WWOX: variants seen among roughly 807,000 people sequenced by gnomAD.
WWOX encodes WW domain-containing oxidoreductase.
A neutral mutation model predicts 46.2 loss-of-function variants in WWOX; 69 were observed. That is an observed-to-expected ratio of 1.49 (90% CI 1.23 to 1.82). The LOEUF is 1.82. Ranked by LOEUF, WWOX falls within the 40% of genes most tolerant of loss-of-function variation. The pLI is 0.00. For missense variants in WWOX, 919 were observed against 542.6 expected, an observed-to-expected ratio of 1.69 and a Z score of -6.89; for synonymous variants, 359 against 202.6, an observed-to-expected ratio of 1.77 and a Z score of -6.56.
intron 8 of WWOX, among the ~76,000 whole-genome samples, chr16:79,140,243 C>T (rs558466934): frequency 5.1e-4 from 77 of 152,304 alleles, no homozygotes; most frequent in African/African-American, 1.8e-3. Context: ...GCAGACCCTG[C>T]CCTGAAATGC....
intron 8 of WWOX, among the ~76,000 whole-genome samples, chr16:78,456,879 G>A (rs1189660043): frequency 6.6e-6 from 1 of 152,214 alleles, no homozygotes; most frequent in Non-Finnish European, 1.5e-5. Context: ...ATCAGATGAT[G>A]GAACTATCAA....
At chr16:78,237,626 C>T (rs558421499) in intron 5 of WWOX, 15 of 152,230 alleles carry the variant, frequency 9.9e-5, no homozygotes, top group Admixed American at 4.6e-4. Flanking sequence ...AAAATACAGC[C>T]GGTACCTCTT....
intron 8 of WWOX, among the ~76,000 whole-genome samples, chr16:79,093,557 G>A (rs1350830342): frequency 3.3e-5 from 5 of 151,938 alleles, no homozygotes; most frequent in Admixed American, 1.3e-4. Flanking sequence ...GCCACCACCC[G>A]CAGCAGGCAG....
chr16:78,161,095 A>C (rs2034777171), intron 4 of WWOX, among the ~76,000 whole-genome samples: 1 of 151,994 alleles, frequency 6.6e-6, no homozygotes, highest in Admixed American at 6.6e-5. Context: ...CAGCTATATC[A>C]GATTTCTTTT....
chr16:78,855,331 A>G (rs952642061), intron 8 of WWOX, among the ~76,000 whole-genome samples: 1 of 152,192 alleles, frequency 6.6e-6, no homozygotes, highest in Non-Finnish European at 1.5e-5. Context: ...ATCATAATAA[A>G]TCTGAGTGGG....
chr16:78,838,954 G>C (rs752317730), intron 8 of WWOX, among the ~76,000 whole-genome samples: 19 of 152,074 alleles, frequency 1.2e-4, no homozygotes, highest in Non-Finnish European at 2.5e-4. Context: ...AGCAACTGGA[G>C]GATCCTGGTA....
intron 8 of WWOX, among the ~76,000 whole-genome samples, chr16:78,794,814 G>GTAGA (rs2050695522): frequency 6.6e-6 from 1 of 152,252 alleles, no homozygotes; most frequent in Non-Finnish European, 1.5e-5. Context: ...TGCAGAAGGT[G>GTAGA]CAGACACAGG....
chr16:78,918,860 A>G (rs1364680406), intron 8 of WWOX, among the ~76,000 whole-genome samples: 1 of 152,168 alleles, frequency 6.6e-6, no homozygotes, highest in Non-Finnish European at 1.5e-5. Flanking sequence ...CCGTCGTTCC[A>G]AATATGAGCA....
At chr16:79,139,196 T>C (rs1217465574) in intron 8 of WWOX, among the ~76,000 whole-genome samples, 2 of 152,220 alleles carry the variant, frequency 1.3e-5, no homozygotes, top group Non-Finnish European at 2.9e-5. Flanking sequence ...TATTTCAGCG[T>C]GCCTCCTAAG....
At chr16:78,698,309 C>T (rs555486751) in intron 8 of WWOX, among the ~76,000 whole-genome samples, 31 of 152,268 alleles carry the variant, frequency 2.0e-4, no homozygotes, top group South Asian at 6.2e-4. Flanking sequence ...AGTGTGCAGA[C>T]GAAGGGAGAT....
chr16:78,987,504 G>C (rs770024267), intron 8 of WWOX, among the ~76,000 whole-genome samples: 1 of 152,064 alleles, frequency 6.6e-6, no homozygotes, highest in Non-Finnish European at 1.5e-5. Flanking sequence ...CTGGAAGGAG[G>C]GTTTCTCATT....
chr16:79,152,698 G>A (rs1265875872), intron 8 of WWOX, among the ~76,000 whole-genome samples: 1 of 151,404 alleles, frequency 6.6e-6, no homozygotes, highest in Non-Finnish European at 1.5e-5. Context: ...ACAAAAACCT[G>A]CCCTGCCCAG....
chr16:79,097,699 G>A (rs1393082374), intron 8 of WWOX, among the ~76,000 whole-genome samples: 2 of 152,148 alleles, frequency 1.3e-5, no homozygotes, highest in Non-Finnish European at 2.9e-5. Context: ...GTTTCCAAAA[G>A]ATCTTTGGAG....
intron 8 of WWOX, among the ~76,000 whole-genome samples, chr16:78,786,876 G>C (rs568282388): frequency 6.6e-6 from 1 of 152,316 alleles, no homozygotes; most frequent in South Asian, 2.1e-4. Context: ...GGCTGGGCGT[G>C]GTGACTCACG....
chr16:78,987,238 A>G (rs561576555), intron 8 of WWOX, among the ~76,000 whole-genome samples: 3 of 152,342 alleles, frequency 2.0e-5, no homozygotes, highest in South Asian at 4.1e-4. Flanking sequence ...GGCTGTGCTT[A>G]TTAACTCAGT....
intron 8 of WWOX, among the ~76,000 whole-genome samples, chr16:78,448,935 T>A (rs1490982657): frequency 6.6e-6 from 1 of 152,216 alleles, no homozygotes; most frequent in African/African-American, 2.4e-5. Context: ...GGGTCGGCTA[T>A]CTTGCTTCTA....
chr16:79,036,776 T>C (rs2047875286), intron 8 of WWOX, among the ~76,000 whole-genome samples: 1 of 152,180 alleles, frequency 6.6e-6, no homozygotes, highest in South Asian at 2.1e-4. Flanking sequence ...ATATCTGTCA[T>C]CATGGCTCTG....
intron 8 of WWOX, among the ~76,000 whole-genome samples, chr16:78,925,467 A>G (rs1035967363): frequency 6.6e-6 from 1 of 152,126 alleles, no homozygotes; most frequent in Non-Finnish European, 1.5e-5. Context: ...ATGCCCTCAC[A>G]TTTCAAACAT....
At chr16:78,659,861 G>A (rs2550634) in intron 8 of WWOX, among the ~76,000 whole-genome samples, 126,957 of 152,114 alleles carry the variant, frequency 0.83, 53,222 homozygotes, top group Middle Eastern at 0.89. Flanking sequence ...CATTTATTTC[G>A]GAAGAGCAAA....
Sources: gnomAD v4.1 joint callset for allele counts (sites outside exome capture counted in the v4.1 genomes callset) on GRCh38, gnomAD v4.1.1 for gene constraint, MANE v1.5 for transcripts, NCBI Gene and HGNC (gene_info 2026-07-23, HGNC 2026-07-21) for gene names.